The following SCMH1 variants were observed in gnomAD, a reference collection of about 807,000 sequenced individuals.
The protein encoded by SCMH1 is Scm polycomb group protein homolog 1, also known as polycomb protein SCMH1.
A neutral mutation model predicts 70.8 loss-of-function variants in SCMH1; 37 were observed. That is an observed-to-expected ratio of 0.52 (90% CI 0.40 to 0.69). The LOEUF is 0.69. SCMH1 is among the 30% of genes least tolerant of loss of function. The pLI is 0.00. For synonymous variants in SCMH1, 292 were observed against 307.4 expected (o/e 0.95, Z 0.52); for missense variants, 607 against 827.3 (o/e 0.73, Z 3.27).
chr1:41,126,868 T>A (rs1286999667), intron 6 of SCMH1, among the ~76,000 whole-genome samples: 1 of 152,110 alleles, frequency 6.6e-6, no homozygotes, highest in African/African-American at 2.4e-5. Context: ...ATCTTTAAAA[T>A]CAAATTCCTG....
At chr1:41,178,787 G>C (rs1647779569) in intron 2 of SCMH1, among the ~76,000 whole-genome samples, 1 of 152,258 alleles carries the variant, frequency 6.6e-6, no homozygotes, top group South Asian at 2.1e-4. Context: ...ATAATAATGG[G>C]AGACTTTAAC....
intron 10 of SCMH1, among the ~76,000 whole-genome samples, chr1:41,059,282 G>A (rs529031466): frequency 3.3e-5 from 5 of 152,250 alleles, no homozygotes; most frequent in East Asian, 1.9e-4. Flanking sequence ...TCCTGTTTTC[G>A]TGCCCAAATG....
intron 2 of SCMH1, among the ~76,000 whole-genome samples, chr1:41,183,941 A>G (rs1049369853): frequency 5.9e-5 from 9 of 152,242 alleles, no homozygotes; most frequent in African/African-American, 1.9e-4. Context: ...CTAAGCTAAC[A>G]TTAAAAATGA....
intron 6 of SCMH1, among the ~76,000 whole-genome samples, chr1:41,122,524 T>C (rs1428328453): frequency 2.0e-5 from 3 of 152,228 alleles, no homozygotes; most frequent in Non-Finnish European, 4.4e-5. Context: ...GATAGTTTTA[T>C]TGAATTAAGG....
chr1:41,144,066 A>G lies in SCMH1; in HGVS notation c.178-954T>C, dbSNP rs146181001. Reference sequence around the variant, plus strand: ...TTTCTTTTTTCTTGCACAAATACCTAGGAGTGAAATGGCTGGATCACATGG... The same window carrying G: ...TTTCTTTTTTCTTGCACAAATACCTGGGAGTGAAATGGCTGGATCACATGG... On this transcript the variant is annotated intron_variant, in intron 5 of 14. Transcript: ENST00000337495. 2.6e-4 allele frequency among the ~76,000 whole-genome samples: 39 copies of G among 152,280 alleles called. 1 individual carries two copies. In the East Asian group the frequency reaches 6.8e-3, roughly 26 times the overall value.
intron 13 of SCMH1, among the ~76,000 whole-genome samples, chr1:41,033,401 A>G (rs1644829755): frequency 6.6e-6 from 1 of 152,198 alleles, no homozygotes; most frequent in South Asian, 2.1e-4. Context: ...TTCTATAAAG[A>G]ACCCCCACCA....
intron 6 of SCMH1, among the ~76,000 whole-genome samples, chr1:41,136,655 A>C (rs925836573): frequency 6.6e-6 from 1 of 151,704 alleles, no homozygotes; most frequent in African/African-American, 2.4e-5. Context: ...TACAGGTGTG[A>C]GCCATTGTGC....
intron 9 of SCMH1, among the ~76,000 whole-genome samples, chr1:41,072,027 A>C (rs1307593048): frequency 6.6e-6 from 1 of 152,178 alleles, no homozygotes; most frequent in East Asian, 1.9e-4. Flanking sequence ...CACTTTTACT[A>C]AATGCTTCAT....
intron 10 of SCMH1, among the ~76,000 whole-genome samples, chr1:41,049,621 G>C (rs757220191): frequency 5.3e-5 from 8 of 151,070 alleles, no homozygotes; most frequent in Admixed American, 1.3e-4. Context: ...AAAAAAAATA[G>C]CCGGGCATGG....
intron 1 of SCMH1, among the ~76,000 whole-genome samples, chr1:41,211,664 G>A (rs1231707748): frequency 6.6e-6 from 1 of 152,162 alleles, no homozygotes; most frequent in Non-Finnish European, 1.5e-5. Context: ...TCCCATTACT[G>A]GGTATATACC....
intron 8 of SCMH1, among the ~76,000 whole-genome samples, chr1:41,101,337 T>C (rs1666598667): frequency 6.6e-6 from 1 of 152,044 alleles, no homozygotes; most frequent in African/African-American, 2.4e-5. Flanking sequence ...TCAAGATGAG[T>C]CTTAAGTTAG....
chr1:41,180,810 C>T (rs1287230418), intron 2 of SCMH1, among the ~76,000 whole-genome samples: 1 of 152,208 alleles, frequency 6.6e-6, no homozygotes, highest in Non-Finnish European at 1.5e-5. Context: ...CCCCAACAAG[C>T]TACCAATGAC....
chr1:41,119,001 A>G (rs1354828151), intron 6 of SCMH1, among the ~76,000 whole-genome samples: 1 of 152,232 alleles, frequency 6.6e-6, no homozygotes, highest in Non-Finnish European at 1.5e-5. Context: ...GGTAGATATT[A>G]TCTTCATTTT....
intron 2 of SCMH1, among the ~76,000 whole-genome samples, chr1:41,183,254 T>TA (rs1352676844): frequency 6.6e-6 from 1 of 152,172 alleles, no homozygotes; most frequent in Non-Finnish European, 1.5e-5. Context: ...TAAAAACAGT[T>TA]ATTTAATTCC....
At chr1:41,054,745 G>A (rs1343222589) in intron 10 of SCMH1, among the ~76,000 whole-genome samples, 3 of 152,170 alleles carry the variant, frequency 2.0e-5, no homozygotes, top group East Asian at 1.9e-4. Flanking sequence ...GTCTAATGAA[G>A]TGAACTCTGA....
intron 1 of SCMH1, among the ~76,000 whole-genome samples, chr1:41,225,936 C>T (rs928107403): frequency 1.2e-4 from 18 of 152,120 alleles, no homozygotes; most frequent in Admixed American, 1.0e-3. Flanking sequence ...ATAATAAAGA[C>T]ACAGCTTATC....
intron 2 of SCMH1, among the ~76,000 whole-genome samples, chr1:41,174,255 T>C (rs553452811): frequency 2.7e-5 from 4 of 145,572 alleles, no homozygotes; most frequent in East Asian, 2.0e-4. Flanking sequence ...ACCAAAAAAG[T>C]CTCCAATTTT....
At chr1:41,131,484 T>C (rs1674691289) in intron 6 of SCMH1, among the ~76,000 whole-genome samples, 1 of 152,220 alleles carries the variant, frequency 6.6e-6, no homozygotes, top group Non-Finnish European at 1.5e-5. Flanking sequence ...ATATTACTGA[T>C]AGTTAAGTGA....
At chr1:41,196,325 G>A (rs1207069757) in intron 1 of SCMH1, among the ~76,000 whole-genome samples, 1 of 151,884 alleles carries the variant, frequency 6.6e-6, no homozygotes, top group East Asian at 1.9e-4. Context: ...GTACTACAAA[G>A]CTACAGTAAT....
Sources: gnomAD v4.1 joint callset for allele counts (sites outside exome capture counted in the v4.1 genomes callset) on GRCh38, gnomAD v4.1.1 for gene constraint, MANE v1.5 for transcripts, NCBI Gene and HGNC (gene_info 2026-07-23, HGNC 2026-07-21) for gene names.